The following MMP12 variants were observed in gnomAD, a reference collection of about 807,000 sequenced individuals.
The protein encoded by MMP12 is macrophage metalloelastase.
MMP12 carries 51 observed loss-of-function variants against 45.2 expected under a neutral mutation model. The observed-to-expected ratio is 1.13, with a 90% CI of 0.90 to 1.42. MMP12 has a LOEUF of 1.42. Ranked by LOEUF, MMP12 falls within the 40% of genes most tolerant of loss-of-function variation. The pLI is 0.00. For synonymous variants in MMP12, 210 were observed against 193.3 expected (o/e 1.09, Z -0.72); for missense variants, 530 against 570.8 (o/e 0.93, Z 0.73).
At chr11:102,866,702 T>C (rs1859394691) in intron 6 of MMP12, among the ~76,000 whole-genome samples, 1 of 152,168 alleles carries the variant, frequency 6.6e-6, no homozygotes, top group Admixed American at 6.5e-5. Flanking sequence ...TCTAAGCTTC[T>C]GGTTCGACCC....
chr11:102,865,120 T>TAG lies in MMP12; in HGVS notation c.1205+655_1205+656insCT, dbSNP rs1859362448. Among the ~76,000 whole-genome samples, 1 of 152,170 alleles carries TAG rather than the reference T, an allele frequency of 6.6e-6. No homozygotes were observed. The highest frequency in any genetic ancestry group is 1.5e-5 in the Non-Finnish European group (1 of 68,010). On this transcript the variant is annotated intron_variant, in intron 8 of 9. Coordinates refer to ENST00000571244, the MANE Select transcript of MMP12 (RefSeq NM_002426.6). This position sits in a 1 kb window ranked among gnomAD's most constrained non-coding sequence, Gnocchi z 4.1. ...TCCGGTATTCAATTGGAATTAGATA[T>TAG]TGTGTTTTAAATGCTTAAGAATAAA... is the stretch of plus-strand genomic sequence containing the variant.
intron 1 of MMP12, 34 bp downstream of exon 1, chr11:102,874,802 C>T (rs782480212): frequency 7.5e-7 from 1 of 1,331,356 alleles, no homozygotes; most frequent in African/African-American, 1.4e-5. Flanking sequence ...AGACAAACAT[C>T]AAGCTCGATA....
At chr11:102,869,369 G>C (rs930776457) in intron 4 of MMP12, among the ~76,000 whole-genome samples, 1 of 151,974 alleles carries the variant, frequency 6.6e-6, no homozygotes, top group African/African-American at 2.4e-5. Context: ...AGTAAGCAAA[G>C]TTTTTACAAT....
intron 4 of MMP12, among the ~76,000 whole-genome samples, chr11:102,869,041 C>A (rs1188355764): frequency 6.6e-6 from 1 of 152,070 alleles, no homozygotes; most frequent in African/African-American, 2.4e-5. Flanking sequence ...AGAGAATGCA[C>A]CTTTGTAGGT....
At position 102,867,461 on chromosome 11, in the gene MMP12, T is replaced by G. The variant is rs1451781598; in HGVS notation, c.788-68A>C. 2.2e-6 allele frequency: 3 copies of G among 1,386,886 alleles called. No homozygotes were observed. In the African/African-American group the frequency reaches 4.4e-5, roughly 20 times the overall value. The allele number at this position is 1,386,886 out of a possible 1,614,324, so 85.9% of individuals were successfully genotyped here. A position where few individuals can be genotyped will look rare whatever the true frequency, so the allele number is the denominator to read the frequency against. On this transcript the variant is annotated intron_variant, in intron 5 of 9. Coordinates refer to ENST00000571244, the MANE Select transcript of MMP12 (RefSeq NM_002426.6). ...TTGTAGTTCAGAGGAGGAACAGTTATGTTTTAAATACTCAATTTTCTTAAT... is the reference window on the plus strand; with the variant it reads ...TTGTAGTTCAGAGGAGGAACAGTTAGGTTTTAAATACTCAATTTTCTTAAT...
At position 102,866,402 on chromosome 11, in the gene MMP12, A is replaced by G. The variant is rs2134418595; in HGVS notation, c.958T>C (p.Leu320=). The part of the protein sequence containing the change: ...VSERPKTSVN[L]ISSLWPTLPS... Reference sequence around the variant, plus strand: ...AAGGTTGGCCATAAGGAAGAAATTAAATTAACACTGGTCTTTGGTCTCTCA... The same window carrying G: ...AAGGTTGGCCATAAGGAAGAAATTAGATTAACACTGGTCTTTGGTCTCTCA... The change falls in exon 7 of 10, where the codon TTA becomes CTA. Residue 320 remains leucine, a synonymous_variant. Transcript: ENST00000571244. 6.2e-7 allele frequency: 1 copy of G among 1,609,650 alleles called. No homozygotes were observed. The highest frequency in any genetic ancestry group is 2.2e-5 in the East Asian group (1 of 44,782).
chr11:102,872,734 C>T (rs1036954671), intron 2 of MMP12, 131 bp downstream of exon 2: 13 of 980,128 alleles, frequency 1.3e-5, no homozygotes, highest in Admixed American at 5.8e-5. Flanking sequence ...TGAATTTTAG[C>T]AGAGATAGCA....
intron 1 of MMP12, among the ~76,000 whole-genome samples, chr11:102,874,003 T>A (rs1185679337): frequency 7.5e-6 from 1 of 133,008 alleles, no homozygotes; most frequent in Non-Finnish European, 1.5e-5. Flanking sequence ...CACTGTAGCC[T>A]GGGTGTCAGA....
intron 4 of MMP12, among the ~76,000 whole-genome samples, chr11:102,868,990 A>G (rs1859445660): frequency 6.6e-6 from 1 of 152,140 alleles, no homozygotes; most frequent in African/African-American, 2.4e-5. Flanking sequence ...TTTTCTTTTG[A>G]GTCCCATAAG....
Position 102,869,510 on chromosome 11 carries a change from T to C in MMP12, c.626-1441A>G, listed in dbSNP as rs28381676. On this transcript the variant is annotated intron_variant, in intron 4 of 9. Coordinates refer to ENST00000571244, the MANE Select transcript of MMP12 (RefSeq NM_002426.6). The stretch of plus-strand genomic sequence containing the variant: ...CTAGATTGCGTGCTCAGGGGTTGAA[T>C]TGTGTACTTTTCATCTCTGTACTCA... Among the ~76,000 whole-genome samples, 24 of 152,338 alleles carry C rather than the reference T, an allele frequency of 1.6e-4. No homozygotes were observed. In the East Asian group the frequency reaches 3.7e-3, roughly 23 times the overall value.
chr11:102,868,912 T>A (rs1555009002), intron 4 of MMP12, among the ~76,000 whole-genome samples: 1 of 152,220 alleles, frequency 6.6e-6, no homozygotes, highest in African/African-American at 2.4e-5. Context: ...TTTCTGTCTT[T>A]TTTTTGAGCC....
intron 7 of MMP12, 133 bp from the exon 8 acceptor site, chr11:102,866,068 C>A: frequency 1.1e-6 from 1 of 880,952 alleles, no homozygotes; most frequent in Non-Finnish European, 1.7e-6. Context: ...TAAACATAGT[C>A]TCTTTTCTAT....
rs1555008479 is a variant in MMP12, at chr11:102,865,976, G to A, written c.1046-41C>T. The stretch of plus-strand genomic sequence containing the variant: ...AATAGGGTAAATTTGAATTATACAG[G>A]AAGAGTAATAAGAAAATATTGATTT... On this transcript the variant is annotated intron_variant, in intron 7 of 9. Transcript: ENST00000571244. The surrounding 1 kb of genome is among the most constrained non-coding windows in gnomAD (Gnocchi z 4.1). The A allele has an allele frequency of 6.9e-7, 1 of 1,445,130 alleles. No homozygotes were observed. Among genetic ancestry groups the A allele is most frequent in the Non-Finnish European group, 9.5e-7 (1 of 1,050,824 alleles). 89.5% of individuals were successfully genotyped at this position (1,445,130 alleles called of 1,614,324 possible). A position where few individuals can be genotyped will look rare whatever the true frequency, so the allele number is the denominator to read the frequency against.
At chr11:102,874,154 T>C (rs1555009796) in intron 1 of MMP12, among the ~76,000 whole-genome samples, 1 of 152,050 alleles carries the variant, frequency 6.6e-6, no homozygotes, top group African/African-American at 2.4e-5. Context: ...TGGATAACTA[T>C]GATAAATTCA....
At chr11:102,873,209 G>C (rs1859534425) in intron 1 of MMP12, 97 bp from the exon 2 acceptor site, 3 of 1,082,194 alleles carry the variant, frequency 2.8e-6, no homozygotes, top group Non-Finnish European at 4.0e-6. Flanking sequence ...TGATGCTTTT[G>C]GACCAGGAAT....
rs1555008448 is a variant in MMP12 at position 102,865,883 on chromosome 11, C to T, written c.1098G>A (p.Lys366=). 2 of 1,612,784 alleles carry T rather than the reference C, an allele frequency of 1.2e-6. No homozygotes were observed. The highest frequency in any genetic ancestry group is 1.7e-6 in the Non-Finnish European group (2 of 1,179,140). ...SNLRPEPNYP[K]SIHSFGFPNF... is the part of the protein sequence containing the mutation. ...TAGGAAAACCAAAAGAATGTATGCT[C>T]TTGGGATAATTTGGCTCTGGTCTTA... Residue 366 remains lysine, a synonymous_variant, in exon 8 of 10, where the codon AAG becomes AAA. Transcript: ENST00000571244. This position sits in a 1 kb window ranked among gnomAD's most constrained non-coding sequence, Gnocchi z 4.1.
intron 6 of MMP12, 114 bp from the exon 7 acceptor site, chr11:102,866,562 A>G: frequency 9.5e-7 from 1 of 1,054,994 alleles, no homozygotes; most frequent in Middle Eastern, 2.0e-4. Flanking sequence ...TTGTCTTCAC[A>G]TTCTGTTCCA....
At position 102,864,147 on chromosome 11, in the gene MMP12, G is replaced by T; in HGVS notation, c.1311C>A (p.Asn437Lys). Residue 437 changes from asparagine (N) to lysine (K), a missense_variant and splice_region_variant, in exon 9 of 10, where the codon AAC (asparagine) becomes AAA (lysine). Transcript: ENST00000571244. ...TTCATGGTTTCCTCATCTACTTACT[G>T]TTTTTAGAGTAGAAGACTGCATCAA... The part of the protein sequence containing the change: ...PKIDAVFYSK[N>K]KYYYFFQGSN... 1 of 1,590,856 alleles carries T rather than the reference G, an allele frequency of 6.3e-7. No homozygotes were observed.
rs1555009644 is a variant in MMP12, at chr11:102,873,054, T to C, written c.161A>G (p.Lys54Arg). Residue 54 changes from lysine (K) to arginine (R), a missense_variant, in exon 2 of 10, where the codon AAA becomes AGA. Physicochemically the swap from Lys to Arg is conservative, Grantham distance 26. Coordinates refer to ENST00000571244, the MANE Select transcript of MMP12 (RefSeq NM_002426.6). Reference sequence around the variant, plus strand: ...TTCCTTCATTAAGTTTCCACTATATTTCATTTTTGTCACTGGAAGTTTGTT... The same window carrying C: ...TTCCTTCATTAAGTTTCCACTATATCTCATTTTTGTCACTGGAAGTTTGTT... ...EINKLPVTKM[K>R]YSGNLMKEKI... The C allele has an allele frequency of 6.2e-7, 1 of 1,613,216 alleles. No individual in the cohort carries two copies. The highest frequency in any genetic ancestry group is 1.6e-4 in the Middle Eastern group (1 of 6,062).
Sources: allele counts gnomAD v4.1 joint callset (sites outside exome capture counted in the v4.1 genomes callset), GRCh38; gene constraint gnomAD v4.1.1; non-coding constraint Gnocchi (gnomAD v3.1); transcripts MANE v1.5; gene names NCBI Gene and HGNC (gene_info 2026-07-23, HGNC 2026-07-21).